FAM20C: variants seen among roughly 807,000 people sequenced by gnomAD.
FAM20C encodes the protein extracellular serine/threonine protein kinase FAM20C.
A neutral mutation model predicts 51.5 loss-of-function variants in FAM20C; 40 were observed. The ratio of observed to expected loss-of-function variants is 0.78; its 90% CI spans 0.60 to 1.01. The LOEUF (loss-of-function observed/expected upper bound fraction) is 1.01. Ranked by LOEUF, FAM20C falls within the 50% of genes least tolerant of loss-of-function variation. FAM20C has a pLI of 0.00. For synonymous variants in FAM20C, 406 were observed against 380.6 expected (o/e 1.07, Z -0.78); for missense variants, 861 against 844.7 (o/e 1.02, Z -0.24).
At chr7:208,769 C>G in intron 2 of FAM20C, 129 bp from the exon 3 acceptor site, 1 of 873,820 alleles carries the variant, frequency 1.1e-6, no homozygotes, top group Non-Finnish European at 1.7e-6. Flanking sequence ...ACTCAAACTT[C>G]CCAGGCAGAG....
At chr7:246,392 CT>C (rs1168922799) in intron 3 of FAM20C, 22 bp from the exon 4 acceptor site, 9 of 1,487,102 alleles carry the variant, frequency 6.1e-6, no homozygotes, top group Admixed American at 4.1e-5. Flanking sequence ...CAAACCGTTT[CT>C]GTTTCTGTCT....
At chr7:222,320 G>A (rs912890872) in intron 3 of FAM20C, among the ~76,000 whole-genome samples, 4 of 152,166 alleles carry the variant, frequency 2.6e-5, no homozygotes, top group African/African-American at 4.8e-5. Flanking sequence ...GAGGATGGAG[G>A]GACTTGGGTG....
intron 3 of FAM20C, among the ~76,000 whole-genome samples, chr7:224,029 G>A (rs1011458505): frequency 2.8e-4 from 42 of 147,474 alleles, no homozygotes; most frequent in African/African-American, 8.3e-4. Context: ...GTCGCACGGC[G>A]GCTGTCCCCT....
intron 2 of FAM20C, among the ~76,000 whole-genome samples, chr7:208,422 G>T: frequency 6.7e-6 from 1 of 150,088 alleles, no homozygotes; most frequent in Non-Finnish European, 1.5e-5. Context: ...ATGTGTGTGG[G>T]TGTATACGTG....
chr7:219,372 A>G (rs545293556), intron 3 of FAM20C, among the ~76,000 whole-genome samples: 6 of 148,988 alleles, frequency 4.0e-5, no homozygotes, highest in African/African-American at 1.5e-4. Context: ...CAGGACAGCA[A>G]CGCCCAGCCC....
intron 4 of FAM20C, among the ~76,000 whole-genome samples, chr7:247,503 T>C (rs532309772): frequency 2.6e-3 from 396 of 152,266 alleles, no homozygotes; most frequent in Non-Finnish European, 3.6e-3. Context: ...CACCCAGACC[T>C]GGGACAGAAT....
At chr7:251,568 G>A (rs1788406619) in intron 5 of FAM20C, among the ~76,000 whole-genome samples, 1 of 152,036 alleles carries the variant, frequency 6.6e-6, no homozygotes, top group African/African-American at 2.4e-5. Context: ...GGTGAATTAA[G>A]TCACCTCTAT....
At chr7:249,384 A>G (rs138735626) in intron 5 of FAM20C, among the ~76,000 whole-genome samples, 39,618 of 152,250 alleles carry the variant, frequency 0.26, 5,377 homozygotes, top group Middle Eastern at 0.35. Flanking sequence ...ACTCTACGTG[A>G]TAAGTACAGC....
chr7:246,856 G>C (rs1160836979), intron 4 of FAM20C, among the ~76,000 whole-genome samples: 12 of 152,112 alleles, frequency 7.9e-5, no homozygotes, highest in African/African-American at 2.7e-4. Flanking sequence ...GCGGCGATTT[G>C]CCCAGGTTCC....
rs980809082 is a variant in FAM20C, at chr7:208,900, A to G, written c.787A>G (p.Met263Val). The change falls in exon 3 of 10, where the codon ATG (methionine) becomes GTG (valine). Residue 263 changes from methionine (M) to valine (V), a missense_variant and splice_region_variant. By Grantham distance (21) the Met-to-Val change is conservative. Around this residue, in one of 3 missense-constraint regions of FAM20C, gnomAD observed 561 missense variants for 499.8 expected, o/e 1.12. Coordinates refer to ENST00000313766, the MANE Select transcript of FAM20C (RefSeq NM_020223.4). ...GTTTCTCTCCCTCCTTCCTGCAGCC[A>G]TGAAGTCGGGGGGCACGCAGCTGAA... ...LSSQRITSVA[M>V]KSGGTQLKLI... 6.4e-7 allele frequency: 1 copy of G among 1,572,212 alleles called. No homozygotes were observed. The highest frequency in any genetic ancestry group is 1.4e-5 in the African/African-American group (1 of 73,940).
At chr7:249,585 A>T (rs1022849258) in intron 5 of FAM20C, among the ~76,000 whole-genome samples, 4 of 152,154 alleles carry the variant, frequency 2.6e-5, no homozygotes, top group African/African-American at 7.2e-5. Flanking sequence ...ACAGGAAATT[A>T]AAAAATTAGC....
intron 9 of FAM20C, among the ~76,000 whole-genome samples, chr7:259,508 GTCTGTCTGTC>G (rs1788789612): frequency 6.9e-6 from 1 of 145,758 alleles, no homozygotes; most frequent in Non-Finnish European, 1.5e-5. Flanking sequence ...GTCTCTTTCT[GTCTGTCTGTC>G]TCTGTCTGTC....
At chr7:258,549 G>C in intron 8 of FAM20C, 97 bp from the exon 9 acceptor site, 1 of 1,256,674 alleles carries the variant, frequency 8.0e-7, no homozygotes, top group Non-Finnish European at 1.1e-6. Context: ...TGGGGTGTCG[G>C]GTACAGGCAG....
At chr7:259,637 C>T (rs1032397820) in intron 9 of FAM20C, 94 bp from the exon 10 acceptor site, 31 of 1,248,714 alleles carry the variant, frequency 2.5e-5, no homozygotes, top group Admixed American at 3.2e-5. Context: ...TCTCTCCCCC[C>T]ACTCTCTCGA....
At chr7:240,871 C>T (rs1787926822) in intron 3 of FAM20C, among the ~76,000 whole-genome samples, 1 of 152,152 alleles carries the variant, frequency 6.6e-6, no homozygotes, top group Non-Finnish European at 1.5e-5. Flanking sequence ...GCAGGGCTGG[C>T]AGGGGGCACA....
chr7:248,244 T>G (rs1488656362), intron 4 of FAM20C, 71 bp from the exon 5 acceptor site: 6 of 1,088,596 alleles, frequency 5.5e-6, no homozygotes, highest in East Asian at 5.2e-5. Context: ...CCGTTCTTAT[T>G]TGGAGGCAGG....
rs553005557 is a variant in FAM20C at position 202,833 on chromosome 7, C to G, written c.785-6065C>G. Among the ~76,000 whole-genome samples, 4 of 152,370 alleles carry G rather than the reference C, an allele frequency of 2.6e-5. No homozygotes were observed. In the South Asian group the frequency reaches 8.3e-4, roughly 32 times the overall value. On this transcript the variant is annotated intron_variant, in intron 2 of 9. Transcript: ENST00000313766. ...GGGAATGGGGCCCGTGGACATCTTC[C>G]TGTGTGCATAGCGAGGACGGGTGGC...
chr7:213,776 T>C (rs993986350), intron 3 of FAM20C, among the ~76,000 whole-genome samples: 1 of 152,138 alleles, frequency 6.6e-6, no homozygotes, highest in Non-Finnish European at 1.5e-5. Context: ...TGTGTAACCC[T>C]GCGAGCTCGT....
intron 3 of FAM20C, among the ~76,000 whole-genome samples, chr7:222,869 GGTGTGC>G (rs1370437631): frequency 5.7e-4 from 30 of 52,220 alleles, no homozygotes; most frequent in African/African-American, 2.1e-3. Context: ...TGCACGTGTC[GGTGTGC>G]GTGTGTGACG....
Sources: allele counts gnomAD v4.1 joint callset (sites outside exome capture counted in the v4.1 genomes callset), GRCh38; gene constraint gnomAD v4.1.1; regional missense constraint gnomAD v4.1.1; transcripts MANE v1.5; gene names NCBI Gene and HGNC (gene_info 2026-07-23, HGNC 2026-07-21).